Variants in PVT1 observed in about 807,000 individuals in gnomAD.
PVT1 encodes CXCR4/PVT1 fusion.
chr8:127,969,451 G>T (rs1015557001), intron 3 of PVT1, among the ~76,000 whole-genome samples: 1 of 152,176 alleles, frequency 6.6e-6, no homozygotes, highest in Non-Finnish European at 1.5e-5. Flanking sequence ...TGGAGCCCCT[G>T]CTGGCCACCA....
At chr8:127,921,107 A>G (rs1446911084) in intron 3 of PVT1, among the ~76,000 whole-genome samples, 1 of 152,222 alleles carries the variant, frequency 6.6e-6, no homozygotes, top group Non-Finnish European at 1.5e-5. Flanking sequence ...ATCAGCTGCC[A>G]GAAATTGCAC....
chr8:127,976,016 C>G (rs1161630241), intron 3 of PVT1, among the ~76,000 whole-genome samples: 1 of 152,196 alleles, frequency 6.6e-6, no homozygotes, highest in Non-Finnish European at 1.5e-5. Context: ...TGTAGGAAGG[C>G]TGAGGCTAGC....
intron 2 of PVT1, among the ~76,000 whole-genome samples, chr8:127,890,237 G>T (rs534042926): frequency 5.9e-5 from 9 of 152,332 alleles, no homozygotes; most frequent in African/African-American, 2.2e-4. Context: ...GGGAGCCCAG[G>T]CTATGTGCCA....
At chr8:128,088,368 C>T (rs1814285309) in intron 5 of PVT1, among the ~76,000 whole-genome samples, 1 of 152,142 alleles carries the variant, frequency 6.6e-6, no homozygotes, top group Non-Finnish European at 1.5e-5. Flanking sequence ...TCAGCAATGT[C>T]CTTGGCTGCT....
At chr8:127,937,572 C>CAGAGAGAGAGAG (rs1415361085) in intron 3 of PVT1, among the ~76,000 whole-genome samples, 1 of 99,742 alleles carries the variant, frequency 1.0e-5, no homozygotes, top group African/African-American at 3.4e-5. Context: ...CACACACACA[C>CAGAGAGAGAGAG]ACACACACAG....
intron 4 of PVT1, among the ~76,000 whole-genome samples, chr8:128,053,278 CTTACA>C (rs1813720181): frequency 6.6e-6 from 1 of 151,868 alleles, no homozygotes; most frequent in African/African-American, 2.4e-5. Context: ...TCCTATTAAT[CTTACA>C]TTAATGGTGG....
At chr8:127,872,065 C>T (rs980158795) in intron 2 of PVT1, among the ~76,000 whole-genome samples, 2 of 152,020 alleles carry the variant, frequency 1.3e-5, no homozygotes, top group African/African-American at 4.8e-5. Context: ...GCACTCCAGC[C>T]TGGGGGACAA....
chr8:127,868,703 C>G (rs1275690264), intron 2 of PVT1, among the ~76,000 whole-genome samples: 1 of 122,314 alleles, frequency 8.2e-6, no homozygotes, highest in East Asian at 2.4e-4. Context: ...CTGCACCTGG[C>G]CCACAGGTTT....
At chr8:127,921,232 T>C (rs1816052964) in intron 3 of PVT1, among the ~76,000 whole-genome samples, 1 of 152,102 alleles carries the variant, frequency 6.6e-6, no homozygotes, top group Middle Eastern at 3.4e-3. Flanking sequence ...GTGCTGAGGA[T>C]ATAGCAATTG....
At chr8:127,857,216 A>T (rs534744203) in intron 2 of PVT1, among the ~76,000 whole-genome samples, 10 of 152,218 alleles carry the variant, frequency 6.6e-5, no homozygotes, top group Admixed American at 3.3e-4. Context: ...ACGGAGCAGG[A>T]CTCTGCCTAA....
At chr8:127,912,418 G>C (rs891753937) in intron 3 of PVT1, among the ~76,000 whole-genome samples, 5 of 152,126 alleles carry the variant, frequency 3.3e-5, no homozygotes, top group African/African-American at 1.2e-4. Context: ...AAGATCCCTT[G>C]GCAAGTAAGT....
chr8:128,011,457 TTCTC>T (rs1817314102), intron 4 of PVT1, among the ~76,000 whole-genome samples: 1 of 152,144 alleles, frequency 6.6e-6, no homozygotes, highest in Non-Finnish European at 1.5e-5. Flanking sequence ...ACTGTCTCTC[TTCTC>T]TCTCTGCTAC....
intron 3 of PVT1, among the ~76,000 whole-genome samples, chr8:127,963,458 C>T (rs973769421): frequency 2.0e-5 from 3 of 152,186 alleles, no homozygotes; most frequent in African/African-American, 7.2e-5. Flanking sequence ...TTCTCACCCA[C>T]TCCTGCCTCC....
At chr8:128,016,582 C>A (rs1023084626) in intron 4 of PVT1, among the ~76,000 whole-genome samples, 3 of 152,232 alleles carry the variant, frequency 2.0e-5, no homozygotes, top group African/African-American at 7.2e-5. Context: ...TACATTAACT[C>A]CTCCCTTGCT....
intron 2 of PVT1, among the ~76,000 whole-genome samples, chr8:127,837,932 T>C (rs1034975035): frequency 1.3e-5 from 2 of 151,992 alleles, no homozygotes; most frequent in South Asian, 2.1e-4. Flanking sequence ...AGTTTCACTC[T>C]TGTTGCCCAG....
At chr8:127,896,947 G>A (rs1304504977) in intron 3 of PVT1, among the ~76,000 whole-genome samples, 1 of 152,036 alleles carries the variant, frequency 6.6e-6, no homozygotes, top group African/African-American at 2.4e-5. Context: ...GGGGCTGGGC[G>A]GGCGGTGGCT....
chr8:127,833,846 C>T (rs1301346461), intron 2 of PVT1, among the ~76,000 whole-genome samples: 1 of 152,130 alleles, frequency 6.6e-6, no homozygotes, highest in Admixed American at 6.5e-5. Flanking sequence ...TATTATCAGT[C>T]CTGTAGTCCA....
intron 3 of PVT1, chr8:127,948,353 A>G (rs1428518305): frequency 5.8e-6 from 1 of 173,614 alleles, no homozygotes; most frequent in Admixed American, 5.5e-5. Flanking sequence ...TCAGGGGAGA[A>G]AATTCATAGA....
chr8:127,937,606 G>GAGAGAC, intron 3 of PVT1, among the ~76,000 whole-genome samples: 1 of 150,308 alleles, frequency 6.7e-6, no homozygotes, highest in African/African-American at 2.5e-5. Context: ...GAGAGAGAGA[G>GAGAGAC]AGACCAACGT....
Sources: gnomAD v4.1 joint callset for allele counts (sites outside exome capture counted in the v4.1 genomes callset) on GRCh38, gnomAD v4.1.1 for gene constraint, MANE v1.5 for transcripts, NCBI Gene and HGNC (gene_info 2026-07-23, HGNC 2026-07-21) for gene names.